The following SRFBP1 variants were observed in gnomAD, a reference collection of about 807,000 sequenced individuals.
SRFBP1 encodes the protein serum response factor-binding protein 1.
SRFBP1 carries 47 observed loss-of-function variants against 45.5 expected under a neutral mutation model. The ratio of observed to expected loss-of-function variants is 1.03; its 90% CI spans 0.82 to 1.32. The LOEUF is 1.32. Ranked by LOEUF, SRFBP1 falls within the 40% of genes most tolerant of loss-of-function variation. The probability of loss-of-function intolerance (pLI) is 0.00; values close to 1 mark genes in which losing one functional copy is unlikely to be tolerated. For missense variants in SRFBP1, 621 were observed against 484.6 expected (o/e 1.28, Z -2.64); for synonymous variants, 203 against 166.3 (o/e 1.22, Z -1.70).
downstream of SRFBP1, among the ~76,000 whole-genome samples, chr5:122,078,830 A>G (rs1754717865): frequency 6.6e-6 from 1 of 152,264 alleles, no homozygotes; most frequent in African/African-American, 2.4e-5. Flanking sequence ...AATGGGTTAC[A>G]AATTTATTTC....
At chr5:121,994,713 C>T (rs746030958) in intron 4 of SRFBP1, 43 bp downstream of exon 4, 2 of 1,281,860 alleles carry the variant, frequency 1.6e-6, no homozygotes, top group Non-Finnish European at 2.2e-6. Flanking sequence ...AAAAGTTTCT[C>T]ATCTATATTG....
chr5:122,000,529 T>G (rs914899772), intron 4 of SRFBP1, among the ~76,000 whole-genome samples: 2 of 152,088 alleles, frequency 1.3e-5, no homozygotes, highest in African/African-American at 4.8e-5. Context: ...TTGTTTGTCC[T>G]TTATTTTAAA....
downstream of SRFBP1, chr5:122,077,699 T>C: frequency 6.3e-7 from 1 of 1,596,146 alleles, no homozygotes; most frequent in Non-Finnish European, 8.5e-7. This position sits in a 1 kb window ranked among gnomAD's most constrained non-coding sequence, Gnocchi z 4.9. Flanking sequence ...GGTGCGGTTG[T>C]CGCGGATCAG....
intron 3 of SRFBP1, among the ~76,000 whole-genome samples, chr5:121,977,313 CA>C (rs996764780): frequency 6.6e-6 from 1 of 151,860 alleles, no homozygotes; most frequent in African/African-American, 2.4e-5. Context: ...GAGTTTGTGG[CA>C]GGAGTTAGGG....
chr5:122,047,063 T>A (rs551770550), intron 2 of SRFBP1, among the ~76,000 whole-genome samples: 44 of 152,370 alleles, frequency 2.9e-4, no homozygotes, highest in Admixed American at 2.3e-3. Context: ...AGATCCCATT[T>A]GTCAATTTTG....
chr5:121,991,503 T>A (rs1332563360), intron 3 of SRFBP1, among the ~76,000 whole-genome samples: 3 of 152,106 alleles, frequency 2.0e-5, no homozygotes, highest in South Asian at 4.1e-4. Flanking sequence ...ATGTGTGAAA[T>A]TTTCTGTAAT....
Position 121,997,679 on chromosome 5 carries a change from C to G in SRFBP1, c.270+3009C>G, listed in dbSNP as rs1752760088. ...AATTGACAAATGGGATCTAATTAAA[C>G]TAAAGAGCTTCTGCACAGCAAAAGA... On this transcript the variant is annotated intron_variant, in intron 4 of 7. Transcript: ENST00000339397. Among the ~76,000 whole-genome samples, 5 of 151,126 alleles carry G rather than the reference C, an allele frequency of 3.3e-5. No homozygotes were observed. In the East Asian group the frequency reaches 9.7e-4, roughly 29 times the overall value.
chr5:122,071,193 ATG>A (rs35544795), intron 2 of SRFBP1, among the ~76,000 whole-genome samples: 41,555 of 149,726 alleles, frequency 0.28, 5,956 homozygotes, highest in African/African-American at 0.33. Flanking sequence ...AAACATTTAT[ATG>A]TGTGTGTGTG....
chr5:121,984,447 A>G (rs1295868485), intron 3 of SRFBP1, among the ~76,000 whole-genome samples: 3 of 151,792 alleles, frequency 2.0e-5, no homozygotes, highest in Admixed American at 6.6e-5. Flanking sequence ...TTCAAACATG[A>G]AACTCTGTTT....
At chr5:122,055,394 A>G (rs1754061048) in intron 2 of SRFBP1, among the ~76,000 whole-genome samples, 1 of 152,186 alleles carries the variant, frequency 6.6e-6, no homozygotes, top group African/African-American at 2.4e-5. Flanking sequence ...CATAGCAACT[A>G]CACTTTTCTG....
chr5:122,055,836 C>T (rs1420297602), intron 2 of SRFBP1, among the ~76,000 whole-genome samples: 1 of 152,070 alleles, frequency 6.6e-6, no homozygotes, highest in Non-Finnish European at 1.5e-5. Context: ...AAAGTTGAAA[C>T]CAGTGAAAGG....
intron 7 of SRFBP1, among the ~76,000 whole-genome samples, chr5:122,026,252 T>A (rs1223619223): frequency 6.6e-6 from 1 of 152,236 alleles, no homozygotes; most frequent in Non-Finnish European, 1.5e-5. Context: ...TTGATGCATA[T>A]CTTTTCATAC....
chr5:122,023,839 C>T (rs1753413731), intron 7 of SRFBP1, among the ~76,000 whole-genome samples: 1 of 152,222 alleles, frequency 6.6e-6, no homozygotes. Flanking sequence ...TTCAGTCCGT[C>T]TGTGGGCTAG....
At chr5:122,035,032 A>T (rs1229328415) in intron 2 of SRFBP1, among the ~76,000 whole-genome samples, 1 of 151,144 alleles carries the variant, frequency 6.6e-6, no homozygotes, top group Non-Finnish European at 1.5e-5. Flanking sequence ...CTTTCCAGGG[A>T]TACAGGTTTT....
intron 2 of SRFBP1, among the ~76,000 whole-genome samples, chr5:122,051,876 G>T (rs79974426): frequency 0.033 from 5,012 of 152,180 alleles, 292 homozygotes; most frequent in African/African-American, 0.11. Context: ...GTGTGATTTT[G>T]TAGTAGCTGG....
chr5:122,070,299 C>T (rs1414227605), intron 2 of SRFBP1: 34 of 669,072 alleles, frequency 5.1e-5, no homozygotes, highest in East Asian at 4.8e-4. Context: ...ACTCTGGAGA[C>T]GTTATGGAAA....
chr5:121,997,413 G>C (rs1229102594), intron 4 of SRFBP1, among the ~76,000 whole-genome samples: 1 of 151,684 alleles, frequency 6.6e-6, no homozygotes, highest in Non-Finnish European at 1.5e-5. Context: ...AAGCAATGGG[G>C]AAAGGATTCC....
intron 2 of SRFBP1, among the ~76,000 whole-genome samples, chr5:122,047,052 T>A (rs932855281): frequency 9.9e-5 from 15 of 152,236 alleles, no homozygotes; most frequent in Non-Finnish European, 1.3e-4. Context: ...TTAGTTTAAT[T>A]AGATCCCATT....
chr5:122,012,746 G>T (rs898819566), intron 4 of SRFBP1, among the ~76,000 whole-genome samples: 1 of 152,028 alleles, frequency 6.6e-6, no homozygotes, highest in African/African-American at 2.4e-5. Flanking sequence ...TTCAATGAAA[G>T]CCTCAATTCT....
Sources: allele counts gnomAD v4.1 joint callset (sites outside exome capture counted in the v4.1 genomes callset), GRCh38; gene constraint gnomAD v4.1.1; non-coding constraint Gnocchi (gnomAD v3.1); transcripts MANE v1.5; gene names NCBI Gene and HGNC (gene_info 2026-07-23, HGNC 2026-07-21).